Variants in C8orf34 observed in about 807,000 individuals in gnomAD.
C8orf34 encodes the protein chromosome 8 open reading frame 34.
Under a neutral mutation model 68.3 loss-of-function variants are expected in C8orf34, and 65 were observed. That is an observed-to-expected ratio of 0.95 (90% confidence interval 0.78 to 1.17). C8orf34 has a LOEUF of 1.17. Ranked by LOEUF, C8orf34 falls within the 50% of genes most tolerant of loss-of-function variation. The probability of loss-of-function intolerance (pLI) is 0.00; values close to 1 mark genes in which losing one functional copy is unlikely to be tolerated. For missense variants in C8orf34, 664 were observed against 655.4 expected, an observed-to-expected ratio of 1.01 and a Z score of -0.14; for synonymous variants, 244 against 241.2, an observed-to-expected ratio of 1.01 and a Z score of -0.11.
chr8:68,608,383 T>C lies in C8orf34; in HGVS notation c.1106-31993T>C, dbSNP rs545359508. Among the ~76,000 whole-genome samples the C allele has an allele frequency of 2.3e-4, 35 of 152,084 alleles. No individual in the cohort carries two copies. In the South Asian group the frequency reaches 7.3e-3, roughly 32 times the overall value. On this transcript the variant is annotated intron_variant, in intron 7 of 13. Coordinates refer to ENST00000518698, the MANE Select transcript of C8orf34 (RefSeq NM_052958.4). Reference sequence around the variant, plus strand: ...GAACCTCAAGTGAGCCAAACCACTCTAGAGCTATGGGGAGAGGGTTAAAGA... The same window carrying C: ...GAACCTCAAGTGAGCCAAACCACTCCAGAGCTATGGGGAGAGGGTTAAAGA...
chr8:68,388,702 G>T lies in C8orf34; in HGVS notation c.328-50797G>T, dbSNP rs530349874. ...TTACTTTTGTAAGTTGATCTTTCTT[G>T]ATACAGATCAGTTGCCCAGTGCCAA... On this transcript the variant is annotated intron_variant, in intron 1 of 13. Coordinates refer to ENST00000518698, the MANE Select transcript of C8orf34 (RefSeq NM_052958.4). Among the ~76,000 whole-genome samples, 3 of 152,236 alleles carry T rather than the reference G, an allele frequency of 2.0e-5. No individual in the cohort carries two copies. The South Asian group carries it at 6.2e-4, about 32-fold the overall frequency.
intron 5 of C8orf34, among the ~76,000 whole-genome samples, chr8:68,509,834 G>A (rs554559940): frequency 6.6e-6 from 1 of 152,270 alleles, no homozygotes; most frequent in South Asian, 2.1e-4. Context: ...CATGGCAGAT[G>A]CTGTCATGGG....
chr8:68,625,859 T>C (rs1586471525), intron 7 of C8orf34, among the ~76,000 whole-genome samples: 1 of 152,190 alleles, frequency 6.6e-6, no homozygotes, highest in East Asian at 1.9e-4. Context: ...GGGGAGATGA[T>C]AAGGATAGCT....
intron 1 of C8orf34, among the ~76,000 whole-genome samples, chr8:68,367,173 G>A: frequency 1.2e-4 from 1 of 8,686 alleles, no homozygotes; most frequent in Non-Finnish European, 2.3e-4. Flanking sequence ...GGCCATCAGA[G>A]AAATGCAAAT....
Position 68,371,697 on chromosome 8 carries a change from T to C in C8orf34, c.327+40358T>C, listed in dbSNP as rs1354862254. Among the ~76,000 whole-genome samples, 3 of 151,948 alleles carry C rather than the reference T, an allele frequency of 2.0e-5. No individual in the cohort carries two copies. In the East Asian group the frequency reaches 5.8e-4, roughly 29 times the overall value. On this transcript the variant is annotated intron_variant, in intron 1 of 13. Transcript: ENST00000518698. ...TCACTGCAACCTCTGCCTCCTGCGT[T>C]CAAGCTATTCTCCTCCTTCAGCCTC...
chr8:68,395,361 TCACACACACA>T (rs61037782), intron 1 of C8orf34, among the ~76,000 whole-genome samples: 54 of 77,772 alleles, frequency 6.9e-4, no homozygotes, highest in African/African-American at 2.5e-3. Context: ...TGTGTGTCTC[TCACACACACA>T]CACACACACA....
intron 12 of C8orf34, among the ~76,000 whole-genome samples, chr8:68,810,893 C>T (rs532538110): frequency 4.6e-5 from 7 of 152,274 alleles, no homozygotes; most frequent in South Asian, 2.1e-4. Context: ...CTGGTCCATG[C>T]GTGCGCCTAG....
At chr8:68,361,435 A>G (rs1806992882) in intron 1 of C8orf34, among the ~76,000 whole-genome samples, 2 of 152,184 alleles carry the variant, frequency 1.3e-5, no homozygotes, top group African/African-American at 4.8e-5. Context: ...GAGAGTCTTC[A>G]ACAGCCAATA....
chr8:68,588,367 G>A (rs982209884), intron 7 of C8orf34, among the ~76,000 whole-genome samples: 1 of 152,142 alleles, frequency 6.6e-6, no homozygotes, highest in Non-Finnish European at 1.5e-5. Flanking sequence ...ATAGGGTGGT[G>A]TTGATGCATG....
At chr8:68,628,926 A>G (rs928574846) in intron 7 of C8orf34, among the ~76,000 whole-genome samples, 4 of 152,142 alleles carry the variant, frequency 2.6e-5, no homozygotes. Context: ...TAAAGATGAA[A>G]AGCTCACATA....
At chr8:68,499,771 A>G (rs1358499863) in intron 5 of C8orf34, among the ~76,000 whole-genome samples, 1 of 152,216 alleles carries the variant, frequency 6.6e-6, no homozygotes, top group Non-Finnish European at 1.5e-5. Flanking sequence ...GTGAGAGGAA[A>G]AATCAACATC....
intron 7 of C8orf34, among the ~76,000 whole-genome samples, chr8:68,614,764 C>T (rs1335909027): frequency 6.6e-6 from 1 of 152,128 alleles, no homozygotes; most frequent in Non-Finnish European, 1.5e-5. Context: ...ATTGACTTGG[C>T]AATGTGGGCT....
Position 68,796,901 on chromosome 8 carries a change from A to G in C8orf34, c.1549+9365A>G, listed in dbSNP as rs147518250. ...GAGTGCAGTGGCGCTAACTCGGCTC[A>G]CTGCAACCTCTGCCTCTTGCATTCA... On this transcript the variant is annotated intron_variant, in intron 12 of 13. Coordinates refer to ENST00000518698, the MANE Select transcript of C8orf34 (RefSeq NM_052958.4). Among the ~76,000 whole-genome samples, 1,295 of 142,864 alleles carry G rather than the reference A, an allele frequency of 9.1e-3. 20 individuals carry two copies. The highest frequency in any genetic ancestry group is 0.032 in the African/African-American group (1,232 of 38,194). 93.7% of individuals were successfully genotyped at this position (142,864 alleles called of 152,430 possible). A position where few individuals can be genotyped will look rare whatever the true frequency, so the allele number is the denominator to read the frequency against.
intron 1 of C8orf34, among the ~76,000 whole-genome samples, chr8:68,414,792 G>T (rs1428409578): frequency 6.6e-6 from 1 of 152,076 alleles, no homozygotes; most frequent in Non-Finnish European, 1.5e-5. Flanking sequence ...TGGTTCCTAT[G>T]GTGATGATCT....
Position 68,774,350 on chromosome 8 carries a change from A to ATATATATATAT in C8orf34, c.1405-2049_1405-2048insTATATATATAT, listed in dbSNP as rs1563661802. 1.8e-4 allele frequency among the ~76,000 whole-genome samples: 20 copies of ATATATATATAT among 109,528 alleles called. 1 individual carries two copies. Among genetic ancestry groups the ATATATATATAT allele is most frequent in the African/African-American group, 1.1e-3 (19 of 17,860 alleles). 71.9% of individuals were successfully genotyped at this position (109,528 alleles called of 152,430 possible). A position where few individuals can be genotyped will look rare whatever the true frequency, so the allele number is the denominator to read the frequency against. ...GTGTGTGTATATATATATATATATA[A>ATATATATATAT]AATAAACAAAAAAATAAACAGTTTA... On this transcript the variant is annotated intron_variant, in intron 10 of 13. Coordinates refer to ENST00000518698, the MANE Select transcript of C8orf34 (RefSeq NM_052958.4).
chr8:68,760,582 C>A (rs745781707), intron 10 of C8orf34, among the ~76,000 whole-genome samples: 42 of 152,172 alleles, frequency 2.8e-4, no homozygotes, highest in Admixed American at 1.6e-3. Context: ...ACTAATTTAT[C>A]TGAGCATGAG....
intron 10 of C8orf34, among the ~76,000 whole-genome samples, chr8:68,743,389 G>A (rs181911444): frequency 1.8e-4 from 28 of 152,264 alleles, no homozygotes; most frequent in Non-Finnish European, 2.6e-4. Context: ...GAACAGCTCT[G>A]GTCTACAGCT....
chr8:68,716,549 A>G (rs1367772707), intron 9 of C8orf34, among the ~76,000 whole-genome samples: 6 of 152,120 alleles, frequency 3.9e-5, no homozygotes, highest in Admixed American at 2.6e-4. Flanking sequence ...AAATTATCTT[A>G]GTTATCAGGG....
intron 5 of C8orf34, among the ~76,000 whole-genome samples, chr8:68,510,776 C>T (rs1403233630): frequency 2.0e-5 from 3 of 152,192 alleles, no homozygotes; most frequent in African/African-American, 7.2e-5. Flanking sequence ...AACTCTGTTC[C>T]CCCCAAGGAA....
Sources: allele counts gnomAD v4.1 joint callset (sites outside exome capture counted in the v4.1 genomes callset), GRCh38; gene constraint gnomAD v4.1.1; transcripts MANE v1.5; gene names NCBI Gene and HGNC (gene_info 2026-07-23, HGNC 2026-07-21).